The following HTRA1 variants were observed in gnomAD, a reference collection of about 807,000 sequenced individuals.
HTRA1 encodes the protein HtrA serine peptidase 1, also known as serine protease HTRA1.
In HTRA1, 26 loss-of-function variants were observed where a neutral mutation model predicts 49.7. The observed-to-expected ratio is 0.52, with a 90% confidence interval of 0.38 to 0.73. The LOEUF is 0.73. Among genes scored for constraint, HTRA1 ranks in the 30% least tolerant of loss-of-function variants. The probability of loss-of-function intolerance (pLI) is 0.00; values close to 1 mark genes in which losing one functional copy is unlikely to be tolerated. For missense variants in HTRA1, 561 were observed against 667.2 expected (o/e 0.84, Z 1.75); for synonymous variants, 291 against 286.9 (o/e 1.01, Z -0.14).
intron 1 of HTRA1, among the ~76,000 whole-genome samples, chr10:122,474,654 G>C (rs1297633163): frequency 6.6e-6 from 1 of 152,176 alleles, no homozygotes; most frequent in Non-Finnish European, 1.5e-5. Context: ...ACCAGAGCCA[G>C]ACGCTTATCA....
intron 3 of HTRA1, 147 bp downstream of exon 3, chr10:122,489,773 T>C (rs2097494921): frequency 1.3e-6 from 1 of 775,174 alleles, no homozygotes; most frequent in Non-Finnish European, 2.2e-6. Context: ...GAGGAGATGC[T>C]GAGTATGGCC....
At chr10:122,470,918 C>CT (rs2097485828) in intron 1 of HTRA1, among the ~76,000 whole-genome samples, 1 of 152,076 alleles carries the variant, frequency 6.6e-6, no homozygotes, top group African/African-American at 2.4e-5. Context: ...TAGCTCTTGG[C>CT]CAAAGTGACT....
rs754129490 is a variant in HTRA1, at chr10:122,510,077, C to A, written c.1121-19C>A. 6.2e-7 allele frequency: 1 copy of A among 1,611,770 alleles called. No individual in the cohort carries two copies. The highest frequency in any genetic ancestry group is 8.5e-7 in the Non-Finnish European group (1 of 1,177,952). On this transcript the variant is annotated intron_variant, in intron 6 of 8. Coordinates refer to ENST00000368984, the MANE Select transcript of HTRA1 (RefSeq NM_002775.5). ...ACCAACTGGGCTGACCTTCTGCTGT[C>A]CCTTTGTTGTCTCACCAGGAAAAGC...
chr10:122,508,786 A>C lies in HTRA1; in HGVS notation c.1120+16A>C, dbSNP rs746975636. 1 of 1,490,062 alleles carries C rather than the reference A, an allele frequency of 6.7e-7. No homozygotes were observed. Among genetic ancestry groups the C allele is most frequent in the Admixed American group, 1.7e-5 (1 of 59,864 alleles). The allele number at this position is 1,490,062 out of a possible 1,614,324, so 92.3% of individuals were successfully genotyped here. On this transcript the variant is annotated intron_variant, in intron 6 of 8. Coordinates refer to ENST00000368984, the MANE Select transcript of HTRA1 (RefSeq NM_002775.5). The stretch of plus-strand genomic sequence containing the variant: ...CAGGCCAAAGGTAGGCAAGGCCCAC[A>C]CAGCCCTGGGGACTCCGGAGATGGG...
At chr10:122,498,536 C>G (rs541491732) in intron 3 of HTRA1, among the ~76,000 whole-genome samples, 1 of 152,146 alleles carries the variant, frequency 6.6e-6, no homozygotes, top group East Asian at 1.9e-4. Context: ...CGTTCTGAAC[C>G]CTGAACGGAA....
rs2097495177 is a variant in HTRA1, at chr10:122,490,338, G to C, written c.777+712G>C. On this transcript the variant is annotated intron_variant, in intron 3 of 8. Coordinates refer to ENST00000368984, the MANE Select transcript of HTRA1 (RefSeq NM_002775.5). This position sits in a 1 kb window ranked among gnomAD's most constrained non-coding sequence, Gnocchi z 4.2. The stretch of plus-strand genomic sequence containing the variant: ...ACTGAGACATACCAAAATCAGTTTG[G>C]GAAATGCTGTATTTGAAAATGCTTT... 6.6e-6 allele frequency among the ~76,000 whole-genome samples: 1 copy of C among 152,102 alleles called. No individual in the cohort carries two copies. The highest frequency in any genetic ancestry group is 1.5e-5 in the Non-Finnish European group (1 of 68,034).
rs1162007283 is a variant in HTRA1 at position 122,506,688 on chromosome 10, C to T, written c.778-3C>T. 6.2e-7 allele frequency: 1 copy of T among 1,611,766 alleles called. No homozygotes were observed. Among genetic ancestry groups the T allele is most frequent in the Non-Finnish European group, 8.5e-7 (1 of 1,179,866 alleles). ...TCAGCAACGCCAGCCATTGTGGTTT[C>T]AGGGCAAGCTGCCTGTCCTGCTGCT... On this transcript the variant is annotated splice_region_variant and splice_polypyrimidine_tract_variant and intron_variant, in intron 3 of 8. Transcript: ENST00000368984. The surrounding 1 kb of genome is among the most constrained non-coding windows in gnomAD (Gnocchi z 5.2).
intron 3 of HTRA1, among the ~76,000 whole-genome samples, chr10:122,498,389 C>T (rs889026782): frequency 6.6e-6 from 1 of 152,188 alleles, no homozygotes; most frequent in Non-Finnish European, 1.5e-5. Context: ...TCTCAGTGCC[C>T]ATCTGGCAGA....
intron 1 of HTRA1, among the ~76,000 whole-genome samples, chr10:122,462,964 G>A (rs558870511): frequency 1.3e-5 from 2 of 152,372 alleles, no homozygotes; most frequent in East Asian, 3.9e-4. Flanking sequence ...TAACTCTCTC[G>A]CGGGACCTTC....
chr10:122,488,760 G>T, intron 1 of HTRA1, 142 bp from the exon 2 acceptor site: 1 of 767,324 alleles, frequency 1.3e-6, no homozygotes, highest in Non-Finnish European at 2.4e-6. Flanking sequence ...TTGCAGCTGA[G>T]CCCAGGTGGG....
intron 3 of HTRA1, among the ~76,000 whole-genome samples, chr10:122,500,617 C>T (rs1001401899): frequency 1.3e-4 from 20 of 152,086 alleles, no homozygotes; most frequent in African/African-American, 4.3e-4. Context: ...AATGTGTGTG[C>T]GTGTGTGTGC....
chr10:122,490,679 C>T lies in HTRA1; in HGVS notation c.777+1053C>T, dbSNP rs531753330. Among the ~76,000 whole-genome samples, 5 of 152,262 alleles carry T rather than the reference C, an allele frequency of 3.3e-5. No individual in the cohort carries two copies. Among genetic ancestry groups the T allele is most frequent in the African/African-American group, 1.2e-4 (5 of 41,562 alleles). ...CCAGCCCTCTGCTTGCCTCGCTTTA[C>T]CTGGGTGTGGGCTGAGTAATTCCAG... is the stretch of plus-strand genomic sequence containing the variant. On this transcript the variant is annotated intron_variant, in intron 3 of 8. Transcript: ENST00000368984. The surrounding 1 kb of genome is among the most constrained non-coding windows in gnomAD (Gnocchi z 4.2).
rs566820712 is a variant in HTRA1, at chr10:122,513,698, G to A, written c.1275-493G>A. Reference sequence around the variant, plus strand: ...TTATTAAAAAAAAAAACCTTAAAAAGTAATCCAATCTACCGATGGTTTATT... The same window carrying A: ...TTATTAAAAAAAAAAACCTTAAAAAATAATCCAATCTACCGATGGTTTATT... On this transcript the variant is annotated intron_variant, in intron 8 of 8. Coordinates refer to ENST00000368984, the MANE Select transcript of HTRA1 (RefSeq NM_002775.5). Among the ~76,000 whole-genome samples, 71 of 133,970 alleles carry A rather than the reference G, an allele frequency of 5.3e-4. 1 individual carries two copies. Among genetic ancestry groups the A allele is most frequent in the Admixed American group, 2.9e-3 (39 of 13,522 alleles). The allele number at this position is 133,970 out of a possible 152,430, so 87.9% of individuals were successfully genotyped here.
chr10:122,510,693 G>C (rs2097505198), intron 7 of HTRA1, among the ~76,000 whole-genome samples: 1 of 152,192 alleles, frequency 6.6e-6, no homozygotes. Flanking sequence ...GCATCCTGGT[G>C]TTCTAAACTG....
At chr10:122,508,954 T>C (rs2097504377) in intron 6 of HTRA1, among the ~76,000 whole-genome samples, 184 bp downstream of exon 6, 1 of 152,204 alleles carries the variant, frequency 6.6e-6, no homozygotes, top group South Asian at 2.1e-4. Flanking sequence ...TTTCACCATT[T>C]TTGTCCTCTG....
At chr10:122,472,079 T>C (rs1027569902) in intron 1 of HTRA1, among the ~76,000 whole-genome samples, 2 of 152,186 alleles carry the variant, frequency 1.3e-5, no homozygotes, top group Non-Finnish European at 2.9e-5. Flanking sequence ...ATAAATATCA[T>C]GGTGGACACA....
rs1188877354 is a variant in HTRA1 at position 122,464,973 on chromosome 10, G to A, written c.472+2849G>A. Among the ~76,000 whole-genome samples, 2 of 152,206 alleles carry A rather than the reference G, an allele frequency of 1.3e-5. No homozygotes were observed. Among genetic ancestry groups the A allele is most frequent in the Non-Finnish European group, 2.9e-5 (2 of 68,026 alleles). ...GTGCTGCGATTTCAAATATTATAAG[G>A]TGGCTTTGTCTGGGGCAGAGCATGC... On this transcript the variant is annotated intron_variant, in intron 1 of 8. Coordinates refer to ENST00000368984, the MANE Select transcript of HTRA1 (RefSeq NM_002775.5). The surrounding 1 kb of genome is among the most constrained non-coding windows in gnomAD (Gnocchi z 4.8).
At chr10:122,473,531 A>T (rs558547047) in intron 1 of HTRA1, among the ~76,000 whole-genome samples, 1 of 152,370 alleles carries the variant, frequency 6.6e-6, no homozygotes, top group South Asian at 2.1e-4. Flanking sequence ...TAGTAGTCAC[A>T]TTAAAAAAGT....
chr10:122,505,438 T>A (rs1299659343), intron 3 of HTRA1, among the ~76,000 whole-genome samples: 2 of 152,272 alleles, frequency 1.3e-5, no homozygotes, highest in African/African-American at 4.8e-5. Flanking sequence ...TGGCACTGTG[T>A]AGTGGATGAG....
Sources: gnomAD v4.1 joint callset for allele counts (sites outside exome capture counted in the v4.1 genomes callset) on GRCh38, gnomAD v4.1.1 for gene constraint, Gnocchi (gnomAD v3.1) non-coding constraint, MANE v1.5 for transcripts, NCBI Gene and HGNC (gene_info 2026-07-23, HGNC 2026-07-21) for gene names.